COL5A1: variants seen among roughly 807,000 people sequenced by gnomAD.
COL5A1 encodes collagen alpha-1(V) chain.
In COL5A1, 16 loss-of-function variants were observed where a neutral mutation model predicts 263.7. The observed-to-expected ratio is 0.06, with a 90% CI of 0.04 to 0.09. COL5A1 has a LOEUF of 0.09. COL5A1 is among the 10% of genes least tolerant of loss of function. The pLI, the probability that COL5A1 is intolerant of heterozygous loss-of-function variation, is 1.00. For missense variants in COL5A1, 2,036 were observed against 2,540.5 expected (o/e 0.80, Z 4.27); for synonymous variants, 1,012 against 1,004.5 (o/e 1.01, Z -0.14).
intron 1 of COL5A1, among the ~76,000 whole-genome samples, chr9:134,685,330 ATCTGT>A (rs1833004055): frequency 7.8e-6 from 1 of 127,404 alleles, no homozygotes; most frequent in African/African-American, 2.9e-5. Context: ...TCATCCATCC[ATCTGT>A]CCATCCATCC....
chr9:134,758,409 C>A lies in COL5A1; in HGVS notation c.1935+113C>A. 9.5e-7 allele frequency: 1 copy of A among 1,052,298 alleles called. No homozygotes were observed. The highest frequency in any genetic ancestry group is 1.5e-6 in the Non-Finnish European group (1 of 685,918). 65.2% of individuals were successfully genotyped at this position (1,052,298 alleles called of 1,614,324 possible). ...ATTTCCTGTGGGGTCAGGTCTCCGC[C>A]ATTCCAACAGTCAGTATACAAACCT... On this transcript the variant is annotated intron_variant, in intron 18 of 65. Transcript: ENST00000371817. The surrounding 1 kb of genome is among the most constrained non-coding windows in gnomAD (Gnocchi z 4.1).
chr9:134,696,962 T>A lies in COL5A1; in HGVS notation c.278-2947T>A, dbSNP rs1833497724. ...GGCGGGTGCCTGTAGTCCCAGCTAC[T>A]CGGGAGGCTGAGGCAGGAGAATGGC... On this transcript the variant is annotated intron_variant, in intron 2 of 65. Transcript: ENST00000371817. This position sits in a 1 kb window ranked among gnomAD's most constrained non-coding sequence, Gnocchi z 4.3. Among the ~76,000 whole-genome samples, 1 of 151,856 alleles carries A rather than the reference T, an allele frequency of 6.6e-6. No homozygotes were observed. Among genetic ancestry groups the A allele is most frequent in the African/African-American group, 2.4e-5 (1 of 41,326 alleles).
chr9:134,643,981 T>G (rs1831386918), intron 1 of COL5A1, among the ~76,000 whole-genome samples: 1 of 152,112 alleles, frequency 6.6e-6, no homozygotes. Context: ...CTAATCGAAG[T>G]GCGGCTCGTT....
In COL5A1 at chr9:134,765,687, C is replaced by T. The variant is rs1564445192; in HGVS notation, c.2041C>T (p.Arg681Cys). ...PRGLPGEPGP[R>C]GLLGPKGPPG... is the part of the protein sequence containing the mutation. ...TTTCCCTTTCCTCTTACAGGGGCCA[C>T]GTGGTCTGCTTGGGCCGAAGGGGCC... is the stretch of plus-strand genomic sequence containing the variant. The change falls in exon 21 of 66, where the codon CGT (arginine) becomes TGT (cysteine). Residue 681 changes from arginine to cysteine, a missense_variant. By Grantham distance (180) the Arg-to-Cys change is radical. Transcript: ENST00000371817. The surrounding 1 kb of genome is among the most constrained non-coding windows in gnomAD (Gnocchi z 5.1). 6.8e-6 allele frequency: 11 copies of T among 1,613,590 alleles called. No individual in the cohort carries two copies. The highest frequency in any genetic ancestry group is 1.1e-5 in the South Asian group (1 of 91,026).
At chr9:134,704,832 G>T (rs967280225) in intron 4 of COL5A1, among the ~76,000 whole-genome samples, 2 of 151,560 alleles carry the variant, frequency 1.3e-5, no homozygotes, top group Non-Finnish European at 2.9e-5. Context: ...GAGGAAGTTC[G>T]GTGAGTTGGC....
rs1376810430 is a variant in COL5A1 at position 134,818,794 on chromosome 9, C to T, written c.4338+31C>T. On this transcript the variant is annotated intron_variant, in intron 55 of 65. Transcript: ENST00000371817. The surrounding 1 kb of genome is among the most constrained non-coding windows in gnomAD (Gnocchi z 6.0). ...TAGGCTGTGAGGGGCAGAGGGGTTG[C>T]CGAGTGGAGGGACGGGGGACCAGCA... 2 of 1,611,976 alleles carry T rather than the reference C, an allele frequency of 1.2e-6. No homozygotes were observed. The highest frequency in any genetic ancestry group is 1.7e-6 in the Non-Finnish European group (2 of 1,179,092).
Position 134,758,955 on chromosome 9 carries a change from T to C in COL5A1, c.1935+659T>C, listed in dbSNP as rs929991206. Among the ~76,000 whole-genome samples the C allele has an allele frequency of 2.0e-5, 3 of 152,144 alleles. No homozygotes were observed. Among genetic ancestry groups the C allele is most frequent in the Admixed American group, 2.0e-4 (3 of 15,280 alleles). On this transcript the variant is annotated intron_variant, in intron 18 of 65. Coordinates refer to ENST00000371817, the MANE Select transcript of COL5A1 (RefSeq NM_000093.5). The surrounding 1 kb of genome is among the most constrained non-coding windows in gnomAD (Gnocchi z 4.1). ...TTGAATCTGTCTCAATAGACTGTGG[T>C]CTTCTTTCAATAACAACGTGATAGA... is the stretch of plus-strand genomic sequence containing the variant.
In COL5A1 at chr9:134,758,410, A is replaced by C; in HGVS notation, c.1935+114A>C. 1 of 1,039,920 alleles carries C rather than the reference A, an allele frequency of 9.6e-7. No individual in the cohort carries two copies. Among genetic ancestry groups the C allele is most frequent in the South Asian group, 1.3e-5 (1 of 76,390 alleles). The allele number at this position is 1,039,920 out of a possible 1,614,324, so 64.4% of individuals were successfully genotyped here. ...TTTCCTGTGGGGTCAGGTCTCCGCC[A>C]TTCCAACAGTCAGTATACAAACCTC... On this transcript the variant is annotated intron_variant, in intron 18 of 65. Coordinates refer to ENST00000371817, the MANE Select transcript of COL5A1 (RefSeq NM_000093.5). This position sits in a 1 kb window ranked among gnomAD's most constrained non-coding sequence, Gnocchi z 4.1.
At chr9:134,799,499 G>A (rs1033066605) in intron 37 of COL5A1, among the ~76,000 whole-genome samples, 2 of 152,214 alleles carry the variant, frequency 1.3e-5, no homozygotes, top group Non-Finnish European at 2.9e-5. Flanking sequence ...TGAGGGGCAT[G>A]CCAGGATCAC....
At chr9:134,726,761 G>T (rs1363688979) in intron 4 of COL5A1, among the ~76,000 whole-genome samples, 2 of 151,840 alleles carry the variant, frequency 1.3e-5, no homozygotes, top group Non-Finnish European at 2.9e-5. Context: ...TGGATGGATG[G>T]ATGGATGGAT....
At chr9:134,837,257 G>A (rs1839880744) in intron 65 of COL5A1, among the ~76,000 whole-genome samples, 1 of 152,158 alleles carries the variant, frequency 6.6e-6, no homozygotes, top group Non-Finnish European at 1.5e-5. Context: ...GAGCTTCCTG[G>A]CTTCCATGGC....
chr9:134,769,664 C>G (rs1238428599), intron 25 of COL5A1, among the ~76,000 whole-genome samples: 1 of 152,166 alleles, frequency 6.6e-6, no homozygotes, highest in Non-Finnish European at 1.5e-5. Flanking sequence ...TCTGTGGGGA[C>G]AGTGGCTGGG....
chr9:134,734,488 A>G (rs1359076105), intron 9 of COL5A1, among the ~76,000 whole-genome samples: 1 of 152,248 alleles, frequency 6.6e-6, no homozygotes, highest in Non-Finnish European at 1.5e-5. Context: ...TCCAAGCTGC[A>G]CATAAACAGA....
At chr9:134,672,847 A>C (rs1355428776) in intron 1 of COL5A1, among the ~76,000 whole-genome samples, 1 of 152,256 alleles carries the variant, frequency 6.6e-6, no homozygotes, top group Non-Finnish European at 1.5e-5. Flanking sequence ...AATTTACAAA[A>C]ATTCATTGTA....
At chr9:134,733,129 C>A (rs537727434) in intron 9 of COL5A1, among the ~76,000 whole-genome samples, 3 of 152,208 alleles carry the variant, frequency 2.0e-5, no homozygotes, top group Admixed American at 6.5e-5. Flanking sequence ...GGACTCAGTT[C>A]CTGAGGGCTG....
chr9:134,842,060 T>A lies in COL5A1; in HGVS notation c.5371-97T>A. 2.1e-6 allele frequency: 3 copies of A among 1,451,036 alleles called. No homozygotes were observed. The highest frequency in any genetic ancestry group is 2.9e-6 in the Non-Finnish European group (3 of 1,038,676). 89.9% of individuals were successfully genotyped at this position (1,451,036 alleles called of 1,614,324 possible). ...CTGGGTAGGAGACAGGACACCAGCCTGGGTTTTGGAGCCAGACAGATTGTG... is the reference window on the plus strand; with the variant it reads ...CTGGGTAGGAGACAGGACACCAGCCAGGGTTTTGGAGCCAGACAGATTGTG... On this transcript the variant is annotated intron_variant, in intron 65 of 65. Transcript: ENST00000371817. This position sits in a 1 kb window ranked among gnomAD's most constrained non-coding sequence, Gnocchi z 5.8.
At position 134,758,382 on chromosome 9, in the gene COL5A1, A is replaced by G. The variant is rs1180077342; in HGVS notation, c.1935+86A>G. On this transcript the variant is annotated intron_variant, in intron 18 of 65. Transcript: ENST00000371817. The surrounding 1 kb of genome is among the most constrained non-coding windows in gnomAD (Gnocchi z 4.1). ...GGCCCTTCTCCTTCCAGGCAGCCTCAGATTTCCTGTGGGGTCAGGTCTCCG... is the reference window on the plus strand; with the variant it reads ...GGCCCTTCTCCTTCCAGGCAGCCTCGGATTTCCTGTGGGGTCAGGTCTCCG... 7.1e-7 allele frequency: 1 copy of G among 1,410,710 alleles called. No homozygotes were observed. Among genetic ancestry groups the G allele is most frequent in the East Asian group, 2.3e-5 (1 of 43,590 alleles). The allele number at this position is 1,410,710 out of a possible 1,614,324, so 87.4% of individuals were successfully genotyped here. A position where few individuals can be genotyped will look rare whatever the true frequency, so the allele number is the denominator to read the frequency against.
chr9:134,782,418 C>G, intron 28 of COL5A1: 2 of 594,312 alleles, frequency 3.4e-6, no homozygotes, highest in Non-Finnish European at 6.0e-6. Context: ...CATTCAGATT[C>G]AAACTGGGCC....
intron 2 of COL5A1, among the ~76,000 whole-genome samples, chr9:134,692,385 T>C (rs887486024): frequency 1.3e-5 from 2 of 152,156 alleles, no homozygotes; most frequent in African/African-American, 4.8e-5. Flanking sequence ...GGAGGAGCGT[T>C]CATAAGCTTC....
Sources: gnomAD v4.1 joint callset for allele counts (sites outside exome capture counted in the v4.1 genomes callset) on GRCh38, gnomAD v4.1.1 for gene constraint, Gnocchi (gnomAD v3.1) non-coding constraint, MANE v1.5 for transcripts, NCBI Gene and HGNC (gene_info 2026-07-23, HGNC 2026-07-21) for gene names.